ARHGEF2: variants seen among roughly 807,000 people sequenced by gnomAD.
ARHGEF2 encodes the protein Rho/Rac guanine nucleotide exchange factor 2.
A neutral mutation model predicts 121.0 loss-of-function variants in ARHGEF2; 22 were observed. That is an observed-to-expected ratio of 0.18 (90% CI 0.13 to 0.26). ARHGEF2 has a LOEUF of 0.26. ARHGEF2 is among the 10% of genes least tolerant of loss of function. The pLI is 1.00. For missense variants in ARHGEF2, 907 were observed against 1,336.0 expected (o/e 0.68, Z 5.01); for synonymous variants, 487 against 530.0 (o/e 0.92, Z 1.11).
At chr1:155,958,215 G>GT (rs1677087973) in intron 12 of ARHGEF2, 105 bp downstream of exon 12, 1 of 865,242 alleles carries the variant, frequency 1.2e-6, no homozygotes, top group South Asian at 1.5e-5. Context: ...AATTATAGCT[G>GT]TTTGACTCTG....
chr1:155,958,444 G>A (rs772468370), intron 11 of ARHGEF2, 48 bp from the exon 12 acceptor site: 6 of 1,468,278 alleles, frequency 4.1e-6, no homozygotes, highest in Non-Finnish European at 4.8e-6. Context: ...GACGGTCTGA[G>A]CAGCTGCTTC....
intron 7 of ARHGEF2, among the ~76,000 whole-genome samples, chr1:155,964,155 A>AT (rs1558029638): frequency 3.6e-4 from 13 of 36,420 alleles, no homozygotes; most frequent in Non-Finnish European, 6.3e-4. Flanking sequence ...AAAAAAAAAA[A>AT]AAAAAAAAAA....
At position 155,965,212 on chromosome 1, in the gene ARHGEF2, T is replaced by A; in HGVS notation, c.581-81A>T. ...CTGGCCCTTCTCTAGATCCCTTCCCTCCTTGTCCTTCCAGGCTACTCCCAC... is the reference window on the plus strand; with the variant it reads ...CTGGCCCTTCTCTAGATCCCTTCCCACCTTGTCCTTCCAGGCTACTCCCAC... On this transcript the variant is annotated intron_variant, in intron 6 of 21. Transcript: ENST00000361247. This position sits in a 1 kb window ranked among gnomAD's most constrained non-coding sequence, Gnocchi z 6.0. 6.2e-7 allele frequency: 1 copy of A among 1,607,262 alleles called. No homozygotes were observed. Among genetic ancestry groups the A allele is most frequent in the South Asian group, 1.1e-5 (1 of 90,786 alleles).
In ARHGEF2 at chr1:155,962,804, C is replaced by T; in HGVS notation, c.976-86G>A. ...GACACACCTCTGGCCTCCTGCCAAA[C>T]AGGCTGGCTTCCTGTTTCTCCAGCT... On this transcript the variant is annotated intron_variant, in intron 8 of 21. Coordinates refer to ENST00000361247, the MANE Select transcript of ARHGEF2 (RefSeq NM_001162383.2). This position sits in a 1 kb window ranked among gnomAD's most constrained non-coding sequence, Gnocchi z 5.8. 6 of 1,597,922 alleles carry T rather than the reference C, an allele frequency of 3.8e-6. No homozygotes were observed. Among genetic ancestry groups the T allele is most frequent in the South Asian group, 1.1e-5 (1 of 88,728 alleles).
chr1:155,968,749 G>A (rs570191329), intron 2 of ARHGEF2: 75 of 180,122 alleles, frequency 4.2e-4, no homozygotes, highest in Non-Finnish European at 7.4e-4. Flanking sequence ...GACAGGCAGA[G>A]CCAGCTGCAA....
At chr1:155,959,259 A>T (rs1236444156) in intron 11 of ARHGEF2, among the ~76,000 whole-genome samples, 1 of 151,790 alleles carries the variant, frequency 6.6e-6, no homozygotes, top group Non-Finnish European at 1.5e-5. Context: ...TTCTATTATT[A>T]TTTTTTTGAG....
intron 13 of ARHGEF2, among the ~76,000 whole-genome samples, 192 bp downstream of exon 13, chr1:155,957,521 G>A (rs1676935785): frequency 6.6e-6 from 1 of 152,234 alleles, no homozygotes; most frequent in Non-Finnish European, 1.5e-5. Flanking sequence ...GGTTGGCAAT[G>A]TATAAAATGT....
chr1:155,974,916 C>T (rs1390715584), intron 1 of ARHGEF2, among the ~76,000 whole-genome samples: 1 of 152,080 alleles, frequency 6.6e-6, no homozygotes, highest in Non-Finnish European at 1.5e-5. Flanking sequence ...TGCCAGGACT[C>T]CCTGCCCTCC....
chr1:155,969,361 CAG>C, intron 1 of ARHGEF2, 61 bp from the exon 2 acceptor site: 1 of 1,601,756 alleles, frequency 6.2e-7, no homozygotes, highest in Non-Finnish European at 8.5e-7. Flanking sequence ...GCCTGGAGTC[CAG>C]AGAGACAGGC....
Position 155,950,962 on chromosome 1 carries a change from C to T in ARHGEF2, c.2570G>A (p.Arg857Gln), listed in dbSNP as rs533748068. 6.2e-6 allele frequency: 10 copies of T among 1,606,822 alleles called. No individual in the cohort carries two copies. Among genetic ancestry groups the T allele is most frequent in the South Asian group, 2.2e-5 (2 of 90,766 alleles). Residue 857 changes from arginine to glutamine, a missense_variant, in exon 20 of 22, where the codon CGA becomes CAA. Transcript: ENST00000361247. This position sits in a 1 kb window ranked among gnomAD's most constrained non-coding sequence, Gnocchi z 5.2. ...CTGGCCCAGGGCGGCCAGCTGCCTT[C>T]GAGCCTCTTCGGCCTCACGCTCCAG... Reference protein sequence around the residue: ...ALLEREAEEARRQLAALGQTE... With the variant: ...ALLEREAEEAQRQLAALGQTE...
chr1:155,970,792 T>C (rs886131193), intron 1 of ARHGEF2: 24 of 985,972 alleles, frequency 2.4e-5, no homozygotes, highest in Non-Finnish European at 2.5e-5. Context: ...ACAGAGGGCA[T>C]GGGGCTGCAG....
At position 155,963,122 on chromosome 1, in the gene ARHGEF2, G is replaced by A. The variant is rs752652789; in HGVS notation, c.786C>T (p.Arg262=). ...RTLKIMTRLF[R]TGMLEELHLE... ...AGTGTAGCTCTTCCAGCATCCCCGT[G>A]CGGAAGAGGCGGGTCATGATCTTCA... is the stretch of plus-strand genomic sequence containing the variant. The change falls in exon 8 of 22, where the codon CGC becomes CGT. Residue 262 remains arginine, a synonymous_variant. Coordinates refer to ENST00000361247, the MANE Select transcript of ARHGEF2 (RefSeq NM_001162383.2). 6.2e-7 allele frequency: 1 copy of A among 1,613,686 alleles called. No homozygotes were observed. The highest frequency in any genetic ancestry group is 1.7e-5 in the Admixed American group (1 of 59,992).
Position 155,965,081 on chromosome 1 carries a change from C to T in ARHGEF2, c.631G>A (p.Asp211Asn). ...AGACTCCAAGAGTCAGCTGCAAAGT[C>T]CTTCTCATCCATCTCAAAGTCACTC... ...LMSDFEMDEK[D>N]FAADSWSLAV... The change falls in exon 7 of 22, where the codon GAC (aspartate) becomes AAC (asparagine). Residue 211 changes from aspartate to asparagine, a missense_variant. Asp to Asn is a conservative substitution (Grantham distance 23). This residue lies in a region of ARHGEF2 where 475 missense variants were observed against 776.5 expected (regional missense o/e 0.61). Transcript: ENST00000361247. The surrounding 1 kb of genome is among the most constrained non-coding windows in gnomAD (Gnocchi z 6.0). 1 of 1,614,086 alleles carries T rather than the reference C, an allele frequency of 6.2e-7. No individual in the cohort carries two copies. Among genetic ancestry groups the T allele is most frequent in the Non-Finnish European group, 8.5e-7 (1 of 1,180,008 alleles).
chr1:155,965,099 A>C lies in ARHGEF2; in HGVS notation c.613T>G (p.Phe205Val). Residue 205 changes from phenylalanine (F) to valine (V), a missense_variant, in exon 7 of 22, where the codon TTT becomes GTT. Transcript: ENST00000361247. This position sits in a 1 kb window ranked among gnomAD's most constrained non-coding sequence, Gnocchi z 6.0. The part of the protein sequence containing the change: ...EVIYSELMSD[F>V]EMDEKDFAAD... The stretch of plus-strand genomic sequence containing the variant: ...GCAAAGTCCTTCTCATCCATCTCAA[A>C]GTCACTCATCAGCTCACTGTAGATT... The C allele has an allele frequency of 6.2e-7, 1 of 1,614,046 alleles. No individual in the cohort carries two copies. Among genetic ancestry groups the C allele is most frequent in the Non-Finnish European group, 8.5e-7 (1 of 1,179,992 alleles).
In ARHGEF2 at chr1:155,964,174, A is replaced by ATG. The variant is rs1553244916; in HGVS notation, c.724+813_724+814insCA. ...AAAAAAAAAAAAAAAAAAAATATAT[A>ATG]TATATATATATATATATATATATAC... On this transcript the variant is annotated intron_variant, in intron 7 of 21. Coordinates refer to ENST00000361247, the MANE Select transcript of ARHGEF2 (RefSeq NM_001162383.2). Among the ~76,000 whole-genome samples, 105 of 78,698 alleles carry ATG rather than the reference A, an allele frequency of 1.3e-3. 3 individuals are homozygous for ATG. The highest frequency in any genetic ancestry group is 4.6e-3 in the East Asian group (12 of 2,612). 51.6% of individuals were successfully genotyped at this position (78,698 alleles called of 152,430 possible).
intron 1 of ARHGEF2, chr1:155,970,479 A>G: frequency 1.0e-6 from 1 of 985,512 alleles, no homozygotes; most frequent in Non-Finnish European, 1.2e-6. Context: ...GAGCAGGACT[A>G]GAAGCTGAGA....
intron 11 of ARHGEF2, among the ~76,000 whole-genome samples, 178 bp from the exon 12 acceptor site, chr1:155,958,574 ATTT>A (rs397722034): frequency 5.7e-5 from 7 of 122,264 alleles, no homozygotes; most frequent in Admixed American, 1.7e-4. Flanking sequence ...CACCCATTCT[ATTT>A]TTTTTTTTTT....
At chr1:155,967,786 T>C (rs1206190586) in intron 2 of ARHGEF2, among the ~76,000 whole-genome samples, 32 of 152,088 alleles carry the variant, frequency 2.1e-4, no homozygotes, top group Non-Finnish European at 1.9e-4. Context: ...GCCGTGCCCT[T>C]CCCAGACATG....
At chr1:155,974,851 G>GA (rs975113943) in intron 1 of ARHGEF2, among the ~76,000 whole-genome samples, 1 of 101,288 alleles carries the variant, frequency 9.9e-6, no homozygotes, top group Non-Finnish European at 2.8e-5. Context: ...AGCAGAAAGA[G>GA]AGGGGGGGTA....
Sources: gnomAD v4.1 joint callset for allele counts (sites outside exome capture counted in the v4.1 genomes callset) on GRCh38, gnomAD v4.1.1 for gene constraint, gnomAD v4.1.1 regional missense constraint, Gnocchi (gnomAD v3.1) non-coding constraint, MANE v1.5 for transcripts, NCBI Gene and HGNC (gene_info 2026-07-23, HGNC 2026-07-21) for gene names.